The following CCAR1 variants were observed in gnomAD, a reference collection of about 807,000 sequenced individuals.
CCAR1 encodes cell division cycle and apoptosis regulator 1, also known as cell division cycle and apoptosis regulator protein 1.
In CCAR1, 78 loss-of-function variants were observed where a neutral mutation model predicts 163.8. That is an observed-to-expected ratio of 0.48 (90% CI 0.40 to 0.57). CCAR1 has a LOEUF of 0.57. Ranked by LOEUF, CCAR1 falls within the 20% of genes least tolerant of loss-of-function variation. CCAR1 has a pLI of 0.00. For synonymous variants in CCAR1, 443 were observed against 460.7 expected (o/e 0.96, Z 0.49); for missense variants, 1,019 against 1,365.2 (o/e 0.75, Z 4.00).
At chr10:68,730,069 G>A (rs559794228) in intron 2 of CCAR1, among the ~76,000 whole-genome samples, 2 of 151,844 alleles carry the variant, frequency 1.3e-5, no homozygotes, top group South Asian at 2.1e-4. Context: ...ATAGGCACAC[G>A]TGCCACCACA....
At chr10:68,739,440 C>T (rs796814330) in intron 4 of CCAR1, among the ~76,000 whole-genome samples, 20 of 152,256 alleles carry the variant, frequency 1.3e-4, no homozygotes, top group African/African-American at 2.9e-4. Context: ...TGAGGCACTG[C>T]GCCCAGCCTC....
chr10:68,725,182 C>G (rs1376106326), intron 2 of CCAR1, among the ~76,000 whole-genome samples: 1 of 151,914 alleles, frequency 6.6e-6, no homozygotes, highest in Non-Finnish European at 1.5e-5. Context: ...AGAACATTTA[C>G]ATTTTCAAAA....
Position 68,722,481 on chromosome 10 carries a change from G to A in CCAR1, c.-24G>A, listed in dbSNP as rs113255973. The A allele has an allele frequency of 0.024, 38,018 of 1,600,906 alleles. 658 individuals are homozygous for A. Among genetic ancestry groups the A allele is most frequent in the Admixed American group, 0.071 (4,254 of 59,962 alleles). On this transcript the variant is annotated 5_prime_UTR_variant, in exon 2 of 25. Coordinates refer to ENST00000265872, the MANE Select transcript of CCAR1 (RefSeq NM_018237.4). ...TCGATGCTATAGAAGACAAACAAGGGAAGGTTTTTTTTCCTTTTGCATCAT... is the reference window on the plus strand; with the variant it reads ...TCGATGCTATAGAAGACAAACAAGGAAAGGTTTTTTTTCCTTTTGCATCAT...
At chr10:68,734,590 C>T (rs1252683482) in intron 2 of CCAR1, among the ~76,000 whole-genome samples, 1 of 152,012 alleles carries the variant, frequency 6.6e-6, no homozygotes, top group Non-Finnish European at 1.5e-5. Flanking sequence ...TCTGCCCGCC[C>T]CCGGGTTGAA....
chr10:68,730,934 C>T (rs1564528419), intron 2 of CCAR1, among the ~76,000 whole-genome samples: 1 of 152,160 alleles, frequency 6.6e-6, no homozygotes, highest in Non-Finnish European at 1.5e-5. Flanking sequence ...CTCAAGCAGT[C>T]AGCTCACCGT....
rs2056407625 is a variant in CCAR1, at chr10:68,757,334, C to G, written c.1877C>G (p.Ser626Cys). The G allele has an allele frequency of 1.3e-6, 2 of 1,591,706 alleles. No individual in the cohort carries two copies. The highest frequency in any genetic ancestry group is 2.7e-5 in the African/African-American group (2 of 74,474). Residue 626 changes from serine (S) to cysteine (C), a missense_variant, in exon 15 of 25, where the codon TCT becomes TGT. This residue lies in a region of CCAR1 where 644 missense variants were observed against 904.4 expected (regional missense o/e 0.71). Transcript: ENST00000265872. Reference protein sequence around the residue: ...EKDDGEAKEISTPTHWSKLDP... With the variant: ...EKDDGEAKEICTPTHWSKLDP... ...GATGATGGTGAAGCTAAAGAAATTT[C>G]TACACCTACCCATTGGTCTAAACTT... is the stretch of plus-strand genomic sequence containing the variant.
intron 5 of CCAR1, among the ~76,000 whole-genome samples, chr10:68,742,132 T>G (rs2056191588): frequency 6.6e-6 from 1 of 152,192 alleles, no homozygotes; most frequent in Admixed American, 6.6e-5. Context: ...CTTAGGACTT[T>G]CCTAAGCCTT....
intron 2 of CCAR1, among the ~76,000 whole-genome samples, chr10:68,734,680 A>G (rs2056084437): frequency 6.6e-6 from 1 of 152,106 alleles, no homozygotes; most frequent in African/African-American, 2.4e-5. Context: ...CGTAAAGCGT[A>G]AATGCATTTA....
rs2056852064 is a variant in CCAR1 at position 68,791,560 on chromosome 10, T to C, written c.*294T>C. 5.4e-6 allele frequency: 1 copy of C among 186,286 alleles called. No homozygotes were observed. Among genetic ancestry groups the C allele is most frequent in the Non-Finnish European group, 1.1e-5 (1 of 89,808 alleles). The allele number at this position is 186,286 out of a possible 1,614,324, so 11.5% of individuals were successfully genotyped here. On this transcript the variant is annotated 3_prime_UTR_variant, in exon 25 of 25. Transcript: ENST00000265872. ...TAAAGTTCATCAGTTTAATTGACTG[T>C]AGTATTTAATTACCAAATTTCTTTT... is the stretch of plus-strand genomic sequence containing the variant.
Position 68,749,244 on chromosome 10 carries a change from C to T in CCAR1, c.935C>T (p.Pro312Leu). 6.2e-7 allele frequency: 1 copy of T among 1,609,730 alleles called. No homozygotes were observed. Among genetic ancestry groups the T allele is most frequent in the Non-Finnish European group, 8.5e-7 (1 of 1,178,988 alleles). ...AGAAATGACAGAGGGGATCAAGTGC[C>T]TAACAGAAAAGATGATCGAAGGTAT... ...SGRNDRGDQV[P>L]NRKDDRSRER... The change falls in exon 9 of 25, where the codon CCT becomes CTT. Residue 312 changes from proline to leucine, a missense_variant. Physicochemically the swap from Pro to Leu is moderately conservative, Grantham distance 98. Coordinates refer to ENST00000265872, the MANE Select transcript of CCAR1 (RefSeq NM_018237.4).
intron 15 of CCAR1, among the ~76,000 whole-genome samples, chr10:68,759,665 C>T (rs1439698884): frequency 6.6e-6 from 1 of 151,636 alleles, no homozygotes; most frequent in East Asian, 1.9e-4. Context: ...TCAATGCTGC[C>T]GCGGTGAGCC....
rs116288371 is a variant in CCAR1 at position 68,767,054 on chromosome 10, C to T, written c.2298+975C>T. ...GTCCAGTTCTGTTTTTTCCCTAAGACGCTTTCATAAGTAGTGTGGTATGTT... is the reference window on the plus strand; with the variant it reads ...GTCCAGTTCTGTTTTTTCCCTAAGATGCTTTCATAAGTAGTGTGGTATGTT... On this transcript the variant is annotated intron_variant, in intron 17 of 24. Coordinates refer to ENST00000265872, the MANE Select transcript of CCAR1 (RefSeq NM_018237.4). Among the ~76,000 whole-genome samples, 427 of 152,144 alleles carry T rather than the reference C, an allele frequency of 2.8e-3. 3 individuals carry two copies. Among genetic ancestry groups the T allele is most frequent in the African/African-American group, 9.5e-3 (394 of 41,508 alleles).
intron 8 of CCAR1, among the ~76,000 whole-genome samples, chr10:68,747,791 A>G (rs1261240823): frequency 2.6e-5 from 4 of 152,182 alleles, no homozygotes; most frequent in South Asian, 2.1e-4. Flanking sequence ...AAACTATTAA[A>G]TTACTTATTA....
chr10:68,746,024 G>C (rs530778384), intron 6 of CCAR1, among the ~76,000 whole-genome samples: 5 of 151,666 alleles, frequency 3.3e-5, no homozygotes, highest in Non-Finnish European at 5.9e-5. Context: ...CCAGGCTGGA[G>C]TGCAGTGGTG....
intron 10 of CCAR1, among the ~76,000 whole-genome samples, chr10:68,751,519 A>T (rs1459536527): frequency 6.6e-6 from 1 of 152,030 alleles, no homozygotes; most frequent in Non-Finnish European, 1.5e-5. Context: ...TTTTGGGAAG[A>T]GTTGATGCAT....
intron 23 of CCAR1, among the ~76,000 whole-genome samples, chr10:68,788,588 G>T (rs570967415): frequency 6.6e-6 from 1 of 152,158 alleles, no homozygotes; most frequent in Non-Finnish European, 1.5e-5. Context: ...GGATCCAAGT[G>T]ATTCTCCCAC....
chr10:68,724,193 T>C (rs2055906299), intron 2 of CCAR1, among the ~76,000 whole-genome samples: 1 of 151,064 alleles, frequency 6.6e-6, no homozygotes, highest in South Asian at 2.1e-4. Flanking sequence ...CTAGGTGAGG[T>C]GTCTCATGCC....
chr10:68,723,853 GAAAAAA>G (rs56293518), intron 2 of CCAR1, among the ~76,000 whole-genome samples: 2 of 143,264 alleles, frequency 1.4e-5, no homozygotes, highest in Admixed American at 1.4e-4. Context: ...ATCTCAAAAA[GAAAAAA>G]AAAAAAAGGT....
intron 2 of CCAR1, among the ~76,000 whole-genome samples, chr10:68,731,691 G>C (rs894945783): frequency 5.5e-5 from 8 of 145,518 alleles, no homozygotes; most frequent in African/African-American, 2.0e-4. Context: ...TACCTCCTGG[G>C]TTCAAACAAG....
Sources: allele counts gnomAD v4.1 joint callset (sites outside exome capture counted in the v4.1 genomes callset), GRCh38; gene constraint gnomAD v4.1.1; regional missense constraint gnomAD v4.1.1; transcripts MANE v1.5; gene names NCBI Gene and HGNC (gene_info 2026-07-23, HGNC 2026-07-21).